COLEC11: variants seen among roughly 807,000 people sequenced by gnomAD.
The protein encoded by COLEC11 is collectin subfamily member 11.
In COLEC11, 20 loss-of-function variants were observed where a neutral mutation model predicts 27.3. The observed-to-expected ratio is 0.73, with a 90% CI of 0.51 to 1.06. COLEC11 has a LOEUF of 1.06. Among genes scored for constraint, COLEC11 ranks in the 50% least tolerant of loss-of-function variants. The pLI is 0.00. For synonymous variants in COLEC11, 163 were observed against 154.7 expected (o/e 1.05, Z -0.40); for missense variants, 310 against 383.0 (o/e 0.81, Z 1.59).
chr2:3,618,033 T>C (rs971831802), intron 3 of COLEC11, among the ~76,000 whole-genome samples: 1 of 152,234 alleles, frequency 6.6e-6, no homozygotes, highest in African/African-American at 2.4e-5. Flanking sequence ...ATTTTTAAAT[T>C]GGGTTATTTG....
chr2:3,614,427 G>A (rs947531800), intron 3 of COLEC11, among the ~76,000 whole-genome samples: 19 of 151,986 alleles, frequency 1.3e-4, no homozygotes, highest in Admixed American at 8.5e-4. Flanking sequence ...TTTTTGAAAC[G>A]TTTTTGAGGT....
At chr2:3,634,720 G>A (rs888007702) in intron 3 of COLEC11, among the ~76,000 whole-genome samples, 44 of 152,238 alleles carry the variant, frequency 2.9e-4, no homozygotes, top group Admixed American at 7.2e-4. Context: ...TCCAGCAGGC[G>A]CTGGACTCAC....
intron 3 of COLEC11, among the ~76,000 whole-genome samples, chr2:3,625,475 G>T (rs1664480511): frequency 6.6e-6 from 1 of 152,022 alleles, no homozygotes; most frequent in Admixed American, 6.5e-5. Context: ...TCTGAAATCT[G>T]GAGACAGGGA....
At chr2:3,625,911 G>T in intron 3 of COLEC11, 1 of 1,086,982 alleles carries the variant, frequency 9.2e-7, no homozygotes, top group South Asian at 1.3e-5. Context: ...GGGATTATAG[G>T]CATGAGCCGC....
Position 3,602,465 on chromosome 2 carries a change from C to T in COLEC11, c.-26-1850C>T, listed in dbSNP as rs1662301729. Among the ~76,000 whole-genome samples, 1 of 152,202 alleles carries T rather than the reference C, an allele frequency of 6.6e-6. No homozygotes were observed. The highest frequency in any genetic ancestry group is 2.1e-4 in the South Asian group (1 of 4,830). ...TTTCTCTCTGTCATTTCCCACATAA[C>T]TGATCAGCAAAACCTGTCAGCTTTG... On this transcript the variant is annotated intron_variant, in intron 1 of 6. Transcript: ENST00000349077. This position sits in a 1 kb window ranked among gnomAD's most constrained non-coding sequence, Gnocchi z 6.2.
intron 2 of COLEC11, chr2:3,605,202 G>A: frequency 2.2e-6 from 1 of 445,104 alleles, no homozygotes; most frequent in Non-Finnish European, 4.6e-6. Context: ...ACCCAAGAAG[G>A]GACAGCAGAG....
intron 4 of COLEC11, among the ~76,000 whole-genome samples, chr2:3,638,030 G>C (rs73138863): frequency 0.06 from 9,104 of 152,332 alleles, 898 homozygotes; most frequent in African/African-American, 0.21. Context: ...GATGGTTCTT[G>C]GTGAGAACAG....
At chr2:3,617,460 C>G (rs140777479) in intron 3 of COLEC11, 1 of 1,295,682 alleles carries the variant, frequency 7.7e-7, no homozygotes, top group African/African-American at 1.5e-5. Context: ...AATCTCTTTG[C>G]ATCTTACAAA....
intron 3 of COLEC11, chr2:3,617,825 C>T (rs1292294379): frequency 2.1e-5 from 14 of 671,722 alleles, no homozygotes; most frequent in Admixed American, 1.8e-4. Flanking sequence ...TCTAAGGGCT[C>T]GCCTTTCTCC....
chr2:3,604,128 C>T, intron 1 of COLEC11, 187 bp from the exon 2 acceptor site: 1 of 658,702 alleles, frequency 1.5e-6, no homozygotes, highest in Non-Finnish European at 2.7e-6. Context: ...CCTGGGGCTG[C>T]TGTGGAAGCT....
intron 3 of COLEC11, among the ~76,000 whole-genome samples, chr2:3,621,910 G>A (rs937677229): frequency 1.3e-5 from 2 of 152,106 alleles, no homozygotes; most frequent in African/African-American, 2.4e-5. Context: ...CAGGTGCAGT[G>A]GCTCACACCT....
chr2:3,617,768 AT>A, intron 3 of COLEC11: 1 of 1,058,426 alleles, frequency 9.4e-7, no homozygotes, highest in South Asian at 1.3e-5. Flanking sequence ...GTCGCTTTTG[AT>A]TTTTTCAAGG....
chr2:3,615,319 A>T (rs1385792520), intron 3 of COLEC11, among the ~76,000 whole-genome samples: 1 of 152,116 alleles, frequency 6.6e-6, no homozygotes, highest in Non-Finnish European at 1.5e-5. Context: ...TGGGTACTTG[A>T]GATTAGGGAG....
intron 1 of COLEC11, among the ~76,000 whole-genome samples, chr2:3,598,155 C>A (rs994046005): frequency 6.6e-6 from 1 of 152,050 alleles, no homozygotes. Context: ...AGGCTGGTCT[C>A]GAACTCCTGA....
intron 2 of COLEC11, chr2:3,606,051 T>C: frequency 6.5e-7 from 1 of 1,547,122 alleles, no homozygotes; most frequent in South Asian, 1.2e-5. Context: ...TACGGCTCTC[T>C]CAGAAGTTTT....
At position 3,624,662 on chromosome 2, in the gene COLEC11, A is replaced by G. The variant is rs569394304; in HGVS notation, c.202+11280A>G. On this transcript the variant is annotated intron_variant, in intron 3 of 6. Coordinates refer to ENST00000349077, the MANE Select transcript of COLEC11 (RefSeq NM_024027.5). ...TTGTGGGAAACGGTCACACGGGTAAAGTGAAACTGTTCTTACCCTCATCAG... is the reference window on the plus strand; with the variant it reads ...TTGTGGGAAACGGTCACACGGGTAAGGTGAAACTGTTCTTACCCTCATCAG... Among the ~76,000 whole-genome samples the G allele has an allele frequency of 9.8e-5, 15 of 152,324 alleles. No homozygotes were observed. In the South Asian group the frequency reaches 3.1e-3, roughly 32 times the overall value.
chr2:3,632,736 C>T (rs913516299), intron 3 of COLEC11, among the ~76,000 whole-genome samples: 1 of 152,186 alleles, frequency 6.6e-6, no homozygotes, highest in African/African-American at 2.4e-5. Context: ...TCCTGGCACA[C>T]AGTCTACCTG....
rs766366668 is a variant in COLEC11, at chr2:3,643,718, A to G, written c.425-9A>G. ...AGTGCTCACTTTTCAACCCTGCCTT[A>G]CCCCACAGCTGTCGCCGGTGTGCGC... is the stretch of plus-strand genomic sequence containing the variant. On this transcript the variant is annotated splice_polypyrimidine_tract_variant and intron_variant, in intron 6 of 6. Coordinates refer to ENST00000349077, the MANE Select transcript of COLEC11 (RefSeq NM_024027.5). 5.0e-5 allele frequency: 80 copies of G among 1,613,298 alleles called. No individual in the cohort carries two copies. In the Admixed American group the frequency reaches 1.3e-3, roughly 27 times the overall value.
intron 3 of COLEC11, among the ~76,000 whole-genome samples, chr2:3,633,267 C>G (rs1365413672): frequency 6.6e-6 from 1 of 152,212 alleles, no homozygotes; most frequent in Non-Finnish European, 1.5e-5. Context: ...GGAGGCTCCT[C>G]CCATCTTCGG....
Sources: allele counts gnomAD v4.1 joint callset (sites outside exome capture counted in the v4.1 genomes callset), GRCh38; gene constraint gnomAD v4.1.1; non-coding constraint Gnocchi (gnomAD v3.1); transcripts MANE v1.5; gene names NCBI Gene and HGNC (gene_info 2026-07-23, HGNC 2026-07-21).